Variants in EXOC4 observed in about 807,000 individuals in gnomAD.
EXOC4 encodes exocyst complex component 4, also known as SEC8-like 1.
A neutral mutation model predicts 107.2 loss-of-function variants in EXOC4; 71 were observed. That is an observed-to-expected ratio of 0.66 (90% confidence interval 0.55 to 0.81). EXOC4 has a LOEUF of 0.81. Ranked by LOEUF, EXOC4 falls within the 30% of genes least tolerant of loss-of-function variation. EXOC4 has a pLI of 0.00. For missense variants in EXOC4, 1,108 were observed against 1,189.6 expected (o/e 0.93, Z 1.01); for synonymous variants, 456 against 441.2 (o/e 1.03, Z -0.42).
At chr7:133,585,610 A>G (rs1801384414) in intron 9 of EXOC4, among the ~76,000 whole-genome samples, 1 of 151,862 alleles carries the variant, frequency 6.6e-6, no homozygotes, top group Admixed American at 6.6e-5. Flanking sequence ...TAGGTGACAG[A>G]GTGAGACCCT....
chr7:133,863,959 A>C (rs1261762660), intron 11 of EXOC4, among the ~76,000 whole-genome samples: 1 of 152,150 alleles, frequency 6.6e-6, no homozygotes, highest in African/African-American at 2.4e-5. Context: ...TATTAGCAGC[A>C]GTAATAGGTA....
chr7:133,351,556 C>A (rs180843318), intron 5 of EXOC4, among the ~76,000 whole-genome samples: 162 of 151,988 alleles, frequency 1.1e-3, no homozygotes, highest in Non-Finnish European at 2.0e-3. Flanking sequence ...TGAATTTAGT[C>A]ATTTGAGTCG....
intron 9 of EXOC4, among the ~76,000 whole-genome samples, chr7:133,577,748 T>C (rs940006960): frequency 6.6e-6 from 1 of 152,192 alleles, no homozygotes. Flanking sequence ...GAGATAAAAT[T>C]TGTTTTCCGT....
chr7:133,383,835 CCT>C (rs1253222564), intron 7 of EXOC4, among the ~76,000 whole-genome samples: 1 of 152,046 alleles, frequency 6.6e-6, no homozygotes, highest in Non-Finnish European at 1.5e-5. Flanking sequence ...TTTTTGATAA[CCT>C]CTATTTTGCG....
At chr7:134,066,727 T>C (rs1434572487), downstream of EXOC4, 1 of 152,178 alleles carries the variant, frequency 6.6e-6, no homozygotes, top group African/African-American at 2.4e-5. Context: ...GTTGTGCTGT[T>C]TACAGCCTTG....
chr7:133,330,273 C>G (rs553056812), intron 5 of EXOC4, among the ~76,000 whole-genome samples: 127 of 152,240 alleles, frequency 8.3e-4, no homozygotes, highest in African/African-American at 3.0e-3. Context: ...CCCCTCCCCC[C>G]ACCAAGCTCA....
intron 13 of EXOC4, among the ~76,000 whole-genome samples, chr7:133,918,956 A>G (rs906151074): frequency 6.6e-6 from 1 of 152,196 alleles, no homozygotes; most frequent in South Asian, 2.1e-4. Context: ...CAAATTGTGC[A>G]ACTGTAGACA....
At chr7:133,441,447 G>A (rs755312349) in intron 7 of EXOC4, among the ~76,000 whole-genome samples, 5 of 152,178 alleles carry the variant, frequency 3.3e-5, no homozygotes, top group Non-Finnish European at 5.9e-5. Flanking sequence ...CTGGAGAGCA[G>A]TGGTGCAGTC....
At chr7:133,928,922 CTTTTTTTTTTTTT>C (rs71162044) in intron 13 of EXOC4, among the ~76,000 whole-genome samples, 1 of 82,016 alleles carries the variant, frequency 1.2e-5, no homozygotes, top group African/African-American at 6.0e-5. Flanking sequence ...ACAGTAGTAC[CTTTTTTTTTTTTT>C]TTTTTTTTTT....
At chr7:134,046,794 CCTT>C (rs1025029136) in intron 17 of EXOC4, among the ~76,000 whole-genome samples, 22 of 152,256 alleles carry the variant, frequency 1.4e-4, no homozygotes, top group African/African-American at 5.3e-4. Flanking sequence ...CCCCAGCTGT[CCTT>C]CTAAACACCA....
At chr7:133,660,143 A>G (rs1252655525) in intron 10 of EXOC4, among the ~76,000 whole-genome samples, 1 of 151,378 alleles carries the variant, frequency 6.6e-6, no homozygotes, top group Admixed American at 6.6e-5. Context: ...ATAACAAGCT[A>G]AAAACGGACT....
intron 7 of EXOC4, among the ~76,000 whole-genome samples, chr7:133,470,034 A>G (rs75999955): frequency 0.04 from 6,040 of 152,280 alleles, 408 homozygotes; most frequent in African/African-American, 0.14. Context: ...GGTTATAAGC[A>G]TGGCTACCAG....
chr7:133,880,047 A>T (rs1798932244), intron 11 of EXOC4, among the ~76,000 whole-genome samples: 1 of 152,028 alleles, frequency 6.6e-6, no homozygotes. Flanking sequence ...CCCAGCCTTC[A>T]CTTACACCTT....
At chr7:133,319,856 T>C (rs1042235298) in intron 5 of EXOC4, among the ~76,000 whole-genome samples, 3 of 150,570 alleles carry the variant, frequency 2.0e-5, no homozygotes, top group African/African-American at 7.3e-5. Flanking sequence ...TTTTTTTTTT[T>C]TTTGTGCGTG....
At chr7:134,024,199 C>T (rs139203227) in intron 17 of EXOC4, among the ~76,000 whole-genome samples, 406 of 152,258 alleles carry the variant, frequency 2.7e-3, no homozygotes, top group African/African-American at 9.5e-3. Context: ...GCCTGTAATC[C>T]CAGCACTTTG....
chr7:134,090,087 T>C, the EXOC4 span, among the ~76,000 whole-genome samples: 20 of 152,322 alleles, frequency 1.3e-4, no homozygotes, highest in African/African-American at 4.6e-4. Context: ...CATTACACTT[T>C]CTACTTTTCT....
intron 11 of EXOC4, among the ~76,000 whole-genome samples, chr7:133,879,823 T>C (rs1798927479): frequency 6.6e-6 from 1 of 152,160 alleles, no homozygotes; most frequent in South Asian, 2.1e-4. Flanking sequence ...TAAGGTTTGT[T>C]TTCAGCTCTA....
At chr7:133,566,272 G>C (rs1474177522) in intron 9 of EXOC4, among the ~76,000 whole-genome samples, 4 of 152,178 alleles carry the variant, frequency 2.6e-5, no homozygotes, top group African/African-American at 9.7e-5. Flanking sequence ...ATCCCTATAA[G>C]TCAGAAGCCA....
chr7:133,568,956 TTTG>T (rs1237241360), intron 9 of EXOC4, among the ~76,000 whole-genome samples: 1 of 152,176 alleles, frequency 6.6e-6, no homozygotes, highest in Non-Finnish European at 1.5e-5. Context: ...ATGATTCACG[TTTG>T]TTAAGACTGG....
Sources: allele counts gnomAD v4.1 joint callset (sites outside exome capture counted in the v4.1 genomes callset), GRCh38; gene constraint gnomAD v4.1.1; transcripts MANE v1.5; gene names NCBI Gene and HGNC (gene_info 2026-07-23, HGNC 2026-07-21).